The following STK11IP variants were observed in gnomAD, a reference collection of about 807,000 sequenced individuals.
STK11IP encodes the protein serine/threonine-protein kinase 11-interacting protein.
STK11IP carries 103 observed loss-of-function variants against 131.7 expected under a neutral mutation model. The observed-to-expected ratio is 0.78, with a 90% confidence interval of 0.67 to 0.92. STK11IP has a LOEUF of 0.92. Ranked by LOEUF, STK11IP falls within the 40% of genes least tolerant of loss-of-function variation. The probability of loss-of-function intolerance (pLI) is 0.00; values close to 1 mark genes in which losing one functional copy is unlikely to be tolerated. For missense variants in STK11IP, 1,315 were observed against 1,385.7 expected (o/e 0.95, Z 0.81); for synonymous variants, 557 against 575.6 (o/e 0.97, Z 0.46).
At position 219,609,393 on chromosome 2, in the gene STK11IP, A is replaced by G. The variant is rs1398732570; in HGVS notation, c.1957A>G (p.Asn653Asp). Reference sequence around the variant, plus strand: ...GCTTGCCGTGTTGACCCCAGTCACCAATGTGGCTCGGGAACAGCTTGGGGA... The same window carrying G: ...GCTTGCCGTGTTGACCCCAGTCACCGATGTGGCTCGGGAACAGCTTGGGGA... Reference protein sequence around the residue: ...ELLAVLTPVTNVAREQLGEAR... With the variant: ...ELLAVLTPVTDVAREQLGEAR... The change falls in exon 17 of 25, where the codon AAT becomes GAT. Residue 653 changes from asparagine to aspartate, a missense_variant. Physicochemically the swap from Asn to Asp is conservative, Grantham distance 23 (BLOSUM62 1). Transcript: ENST00000456909. 6.2e-7 allele frequency: 1 copy of G among 1,613,796 alleles called. No homozygotes were observed. Among genetic ancestry groups the G allele is most frequent in the Non-Finnish European group, 8.5e-7 (1 of 1,179,874 alleles).
chr2:219,610,453 A>G (rs1314365164), intron 17 of STK11IP, among the ~76,000 whole-genome samples: 1 of 150,532 alleles, frequency 6.6e-6, no homozygotes, highest in African/African-American at 2.5e-5. Flanking sequence ...CCCAGGCTGG[A>G]GTGCAGTGGC....
At chr2:219,598,267 A>C in intron 2 of STK11IP, 87 bp downstream of exon 2, 1 of 994,136 alleles carries the variant, frequency 1.0e-6, no homozygotes, top group Non-Finnish European at 1.5e-6. Flanking sequence ...AGAGTCATGG[A>C]GTTACGACTG....
chr2:219,611,479 T>C, intron 17 of STK11IP, 125 bp from the exon 18 acceptor site: 2 of 788,644 alleles, frequency 2.5e-6, no homozygotes, highest in Non-Finnish European at 4.3e-6. Context: ...GCGCGGTGGT[T>C]GTGTATGAAG....
At position 219,611,744 on chromosome 2, in the gene STK11IP, C is replaced by G. The variant is rs776907199; in HGVS notation, c.2245C>G (p.Pro749Ala). 1.3e-5 allele frequency: 21 copies of G among 1,613,090 alleles called. No homozygotes were observed. The change falls in exon 18 of 25, where the codon CCT (proline) becomes GCT (alanine). Residue 749 changes from proline (P) to alanine (A), a missense_variant. By Grantham distance (27) the Pro-to-Ala change is conservative (BLOSUM62 -1). Transcript: ENST00000456909. ...SPSASPVCHP[P>A]GHGDHLDRAK... ...GTCTGCCAGCCCTGTCTGCCACCCT[C>G]CTGGCCATGGTGACCACCTTGACAG...
rs1698279195 is a variant in STK11IP at position 219,608,526 on chromosome 2, G to A, written c.1604-57G>A. The A allele has an allele frequency of 2.6e-6, 4 of 1,543,926 alleles. No individual in the cohort carries two copies. In the East Asian group the frequency reaches 9.1e-5, roughly 35 times the overall value. Reference sequence around the variant, plus strand: ...GCGGGTGGAGGGCCAGTTCGGGGGAGGGCAGAGTGTGGGTACTTTCCCTCC... The same window carrying A: ...GCGGGTGGAGGGCCAGTTCGGGGGAAGGCAGAGTGTGGGTACTTTCCCTCC... On this transcript the variant is annotated intron_variant, in intron 14 of 24. Coordinates refer to ENST00000456909, the MANE Select transcript of STK11IP (RefSeq NM_052902.4).
chr2:219,614,993 A>T, intron 23 of STK11IP, 101 bp from the exon 24 acceptor site: 1 of 1,379,852 alleles, frequency 7.2e-7, no homozygotes, highest in Non-Finnish European at 9.7e-7. Context: ...CCCACCTCAG[A>T]GTGTGGTTCA....
chr2:219,608,471 C>G (rs1205266886), intron 14 of STK11IP, 41 bp downstream of exon 14: 1 of 1,531,490 alleles, frequency 6.5e-7, no homozygotes, highest in South Asian at 1.3e-5. Context: ...GGCCAGGGGC[C>G]CTTGGGATGT....
chr2:219,610,439 G>C (rs1395071628), intron 17 of STK11IP, among the ~76,000 whole-genome samples: 1 of 150,410 alleles, frequency 6.6e-6, no homozygotes, highest in African/African-American at 2.5e-5. Flanking sequence ...GTCTCGCTCT[G>C]TTGCCCAGGC....
At position 219,613,122 on chromosome 2, in the gene STK11IP, C is replaced by T. The variant is rs1028200091; in HGVS notation, c.2440-6C>T. On this transcript the variant is annotated splice_region_variant and splice_polypyrimidine_tract_variant and intron_variant, in intron 19 of 24. Transcript: ENST00000456909. ...CAGGTTTCTCACCAACTTCCTCTTC[C>T]CCCAGGTGCCAGTGGCATTGGCAGG... 9 of 1,611,216 alleles carry T rather than the reference C, an allele frequency of 5.6e-6. No individual in the cohort carries two copies. Among genetic ancestry groups the T allele is most frequent in the South Asian group, 1.1e-5 (1 of 90,882 alleles).
At chr2:219,601,917 C>G in intron 4 of STK11IP, 71 bp from the exon 5 acceptor site, 3 of 1,404,086 alleles carry the variant, frequency 2.1e-6, no homozygotes, top group Non-Finnish European at 9.9e-7. Flanking sequence ...CTCCTCCCAA[C>G]TAGGGGATGG....
At chr2:219,615,989 C>T in intron 24 of STK11IP, 55 bp from the exon 25 acceptor site, 2 of 1,594,798 alleles carry the variant, frequency 1.3e-6, no homozygotes, top group Non-Finnish European at 1.7e-6. Flanking sequence ...CTCCCTTGTA[C>T]CCACCCTGGT....
rs752382866 is a variant in STK11IP, at chr2:219,597,883, CG to C, written c.-64del. 1 of 1,607,324 alleles carries C rather than the reference CG, an allele frequency of 6.2e-7. No individual in the cohort carries two copies. The highest frequency in any genetic ancestry group is 8.5e-7 in the Non-Finnish European group (1 of 1,177,054). On this transcript the variant is annotated 5_prime_UTR_variant, in exon 1 of 25. Transcript: ENST00000456909. ...CTTCCTTTCCATCATTGATAGGCGC[CG>C]GGCAGCTGAGCTGGTAGGAGGACCA... is the stretch of plus-strand genomic sequence containing the variant.
chr2:219,614,262 A>C lies in STK11IP; in HGVS notation c.2798+20A>C, dbSNP rs1397696862. On this transcript the variant is annotated intron_variant, in intron 22 of 24. Transcript: ENST00000456909. ...GCTCTGGTGAGTCGATAGGAGGCAGAGGCTGGGGTTGCTGCCCAATCCTCT... is the reference window on the plus strand; with the variant it reads ...GCTCTGGTGAGTCGATAGGAGGCAGCGGCTGGGGTTGCTGCCCAATCCTCT... The C allele has an allele frequency of 4.3e-6, 7 of 1,612,116 alleles. No individual in the cohort carries two copies. In the South Asian group the frequency reaches 7.7e-5, roughly 18 times the overall value.
In STK11IP at chr2:219,606,275, G is replaced by A; in HGVS notation, c.930G>A (p.Arg310=). Residue 310 remains arginine (R), a synonymous_variant, in exon 10 of 25, where the codon AGG becomes AGA. Coordinates refer to ENST00000456909, the MANE Select transcript of STK11IP (RefSeq NM_052902.4). ...CCCAGTACTTGTCACCCCGGGCCAG[G>A]GATGCTGCTACTGGCGTGAGTGATC... The part of the protein sequence containing the change: ...ATAQYLSPRA[R]DAATGFLLDG... The A allele has an allele frequency of 6.4e-7, 1 of 1,568,292 alleles. No individual in the cohort carries two copies. Among genetic ancestry groups the A allele is most frequent in the Non-Finnish European group, 8.6e-7 (1 of 1,156,282 alleles).
At chr2:219,598,372 C>T (rs1423117014) in intron 2 of STK11IP, 192 bp downstream of exon 2, 2 of 497,796 alleles carry the variant, frequency 4.0e-6, no homozygotes, top group African/African-American at 2.0e-5. Flanking sequence ...TAAACTCTAG[C>T]CGTCCTTTGA....
At chr2:219,613,094 C>T (rs754118458) in intron 19 of STK11IP, 34 bp from the exon 20 acceptor site, 1 of 1,583,064 alleles carries the variant, frequency 6.3e-7, no homozygotes, top group Non-Finnish European at 8.6e-7. Context: ...CCAGGCCTCT[C>T]ATCAGGTTTC....
chr2:219,609,796 G>A (rs1172241478), intron 17 of STK11IP: 6 of 433,676 alleles, frequency 1.4e-5, no homozygotes, highest in South Asian at 2.4e-5. Context: ...CTCTGTAACT[G>A]TGCTTAAACA....
At chr2:219,608,884 C>A in intron 15 of STK11IP, 96 bp downstream of exon 15, 1 of 1,359,978 alleles carries the variant, frequency 7.4e-7, no homozygotes, top group Non-Finnish European at 9.9e-7. Context: ...TCAGTCTCTC[C>A]TTGGCACTAG....
At chr2:219,607,414 T>C (rs186110313) in intron 13 of STK11IP, among the ~76,000 whole-genome samples, 1 of 152,216 alleles carries the variant, frequency 6.6e-6, no homozygotes, top group East Asian at 1.9e-4. Flanking sequence ...CCCAGCACTT[T>C]GGGAGGCTGA....
Sources: gnomAD v4.1 joint callset for allele counts (sites outside exome capture counted in the v4.1 genomes callset) on GRCh38, gnomAD v4.1.1 for gene constraint, MANE v1.5 for transcripts, NCBI Gene and HGNC (gene_info 2026-07-23, HGNC 2026-07-21) for gene names.